The following CAMK1D variants were observed in gnomAD, a reference collection of about 807,000 sequenced individuals.
The protein encoded by CAMK1D is calcium/calmodulin-dependent protein kinase type 1D.
CAMK1D carries 9 observed loss-of-function variants against 47.7 expected under a neutral mutation model. That is an observed-to-expected ratio of 0.19 (90% CI 0.11 to 0.33). The LOEUF (loss-of-function observed/expected upper bound fraction) is 0.33. Ranked by LOEUF, CAMK1D falls within the 10% of genes least tolerant of loss-of-function variation. CAMK1D has a pLI of 1.00. For synonymous variants in CAMK1D, 184 were observed against 184.9 expected, an observed-to-expected ratio of 0.99 and a Z score of 0.04; for missense variants, 291 against 488.7, an observed-to-expected ratio of 0.60 and a Z score of 3.81.
intron 2 of CAMK1D, among the ~76,000 whole-genome samples, chr10:12,621,180 T>C (rs1838986086): frequency 6.6e-6 from 1 of 152,246 alleles, no homozygotes; most frequent in Admixed American, 6.5e-5. Flanking sequence ...TACCACACTG[T>C]CTGATTACTG....
At chr10:12,699,561 G>A (rs1011239133) in intron 3 of CAMK1D, among the ~76,000 whole-genome samples, 10 of 151,936 alleles carry the variant, frequency 6.6e-5, no homozygotes, top group Non-Finnish European at 1.3e-4. Context: ...AGTCAGAATT[G>A]TGTAAGCTGA....
At chr10:12,680,166 A>G (rs901363696) in intron 3 of CAMK1D, among the ~76,000 whole-genome samples, 1 of 152,198 alleles carries the variant, frequency 6.6e-6, no homozygotes, top group Non-Finnish European at 1.5e-5. Flanking sequence ...TCCCGTTTGG[A>G]AGATTTTTGC....
At chr10:12,420,545 C>T (rs1840015945) in intron 1 of CAMK1D, among the ~76,000 whole-genome samples, 1 of 151,814 alleles carries the variant, frequency 6.6e-6, no homozygotes, top group South Asian at 2.1e-4. Flanking sequence ...TTGGTGGACA[C>T]CTTAGTCAAA....
At chr10:12,400,170 A>G (rs569745514) in intron 1 of CAMK1D, among the ~76,000 whole-genome samples, 13 of 152,322 alleles carry the variant, frequency 8.5e-5, no homozygotes, top group African/African-American at 3.1e-4. Flanking sequence ...CTAGGTAGGT[A>G]GGTTTTTAAC....
intron 3 of CAMK1D, among the ~76,000 whole-genome samples, chr10:12,686,352 G>A (rs181518199): frequency 1.1e-4 from 16 of 151,696 alleles, no homozygotes; most frequent in Non-Finnish European, 1.3e-4. Flanking sequence ...ATGGAGTTTC[G>A]CTCCTGTTGC....
At chr10:12,816,226 C>T in intron 7 of CAMK1D, 24 bp from the exon 8 acceptor site, 3 of 1,606,004 alleles carry the variant, frequency 1.9e-6, no homozygotes, top group Non-Finnish European at 2.6e-6. Flanking sequence ...GTGATTCCTT[C>T]CCTTGTGCCT....
At chr10:12,779,193 A>T (rs565012656) in intron 5 of CAMK1D, among the ~76,000 whole-genome samples, 3 of 152,292 alleles carry the variant, frequency 2.0e-5, no homozygotes, top group Non-Finnish European at 2.9e-5. Flanking sequence ...ATTGACCAAG[A>T]TTGGGAATCC....
At chr10:12,367,933 C>A (rs191291559) in intron 1 of CAMK1D, among the ~76,000 whole-genome samples, 293 of 152,316 alleles carry the variant, frequency 1.9e-3, no homozygotes, top group African/African-American at 6.7e-3. Flanking sequence ...TGGCTCACAC[C>A]TGTAATCCCA....
chr10:12,785,276 G>A (rs1219022402), intron 5 of CAMK1D, among the ~76,000 whole-genome samples: 1 of 152,156 alleles, frequency 6.6e-6, no homozygotes, highest in Admixed American at 6.5e-5. Context: ...TGTTGTGTCT[G>A]GGCCAGGAGA....
intron 1 of CAMK1D, among the ~76,000 whole-genome samples, chr10:12,400,490 T>C (rs1839137083): frequency 6.6e-6 from 1 of 152,208 alleles, no homozygotes; most frequent in Non-Finnish European, 1.5e-5. Flanking sequence ...GTTTGGAAGC[T>C]GCCCAAGACT....
In CAMK1D at chr10:12,468,107, G is replaced by T. The variant is rs148666296; in HGVS notation, c.93-85118G>T. 1.0e-3 allele frequency among the ~76,000 whole-genome samples: 147 copies of T among 140,542 alleles called. 2 individuals carry two copies. In the South Asian group the frequency reaches 0.025, roughly 24 times the overall value. The allele number at this position is 140,542 out of a possible 152,430, so 92.2% of individuals were successfully genotyped here. On this transcript the variant is annotated intron_variant, in intron 1 of 10. Transcript: ENST00000619168. ...GTCTCACTCTGTCACTCAGGCTAGA[G>T]GGCAGTGGTGCCATCATGGCGCACT...
chr10:12,826,019 G>A (rs1385252655), intron 10 of CAMK1D: 1 of 273,628 alleles, frequency 3.7e-6, no homozygotes, highest in Non-Finnish European at 6.9e-6. Context: ...CACCTGTAAT[G>A]TCAGCTACTT....
chr10:12,459,001 C>T lies in CAMK1D; in HGVS notation c.93-94224C>T, dbSNP rs577050914. On this transcript the variant is annotated intron_variant, in intron 1 of 10. Coordinates refer to ENST00000619168, the MANE Select transcript of CAMK1D (RefSeq NM_153498.4). ...TCAAGTGATTCTCCTGCTTCAGCCT[C>T]CTGAGTAGCTGGGATTACAGGGATG... Among the ~76,000 whole-genome samples, 44 of 151,932 alleles carry T rather than the reference C, an allele frequency of 2.9e-4. No individual in the cohort carries two copies. The South Asian group carries it at 7.3e-3, about 25-fold the overall frequency.
chr10:12,806,544 G>T (rs961788925), intron 6 of CAMK1D, among the ~76,000 whole-genome samples: 39 of 152,166 alleles, frequency 2.6e-4, no homozygotes, highest in African/African-American at 8.2e-4. Context: ...TGGCCAGCAG[G>T]GCTCACCCCT....
intron 1 of CAMK1D, among the ~76,000 whole-genome samples, chr10:12,408,848 C>CTTTT (rs113921067): frequency 2.6e-3 from 321 of 121,808 alleles, no homozygotes; most frequent in Middle Eastern, 4.5e-3. Flanking sequence ...TTCTTTCTTT[C>CTTTT]TTTTTTTTTT....
chr10:12,404,588 G>A (rs1200805691), intron 1 of CAMK1D, among the ~76,000 whole-genome samples: 1 of 152,092 alleles, frequency 6.6e-6, no homozygotes, highest in Non-Finnish European at 1.5e-5. Context: ...CTGAGATTGA[G>A]TTATTCTTGG....
chr10:12,443,391 T>C (rs1832839487), intron 1 of CAMK1D, among the ~76,000 whole-genome samples: 1 of 151,988 alleles, frequency 6.6e-6, no homozygotes, highest in South Asian at 2.1e-4. Flanking sequence ...GTAGTTGCAA[T>C]ATAGTGTCGT....
chr10:12,615,949 T>C (rs575394382), intron 2 of CAMK1D, among the ~76,000 whole-genome samples: 31 of 151,782 alleles, frequency 2.0e-4, no homozygotes, highest in Non-Finnish European at 2.9e-4. Context: ...AGTGTGTTGG[T>C]GTGCGCATAG....
chr10:12,821,372 C>T (rs561804866), intron 8 of CAMK1D, among the ~76,000 whole-genome samples: 81 of 152,292 alleles, frequency 5.3e-4, no homozygotes, highest in Middle Eastern at 3.4e-3. Flanking sequence ...CCTGAGTGTT[C>T]GCCGAACCCC....
Sources: allele counts gnomAD v4.1 joint callset (sites outside exome capture counted in the v4.1 genomes callset), GRCh38; gene constraint gnomAD v4.1.1; transcripts MANE v1.5; gene names NCBI Gene and HGNC (gene_info 2026-07-23, HGNC 2026-07-21).